The following PHYHD1 variants were observed in gnomAD, a reference collection of about 807,000 sequenced individuals.
The protein encoded by PHYHD1 is phytanoyl-CoA dioxygenase domain-containing protein 1.
In PHYHD1, 42 loss-of-function variants were observed where a neutral mutation model predicts 43.6. The observed-to-expected ratio is 0.96, with a 90% CI of 0.75 to 1.25. PHYHD1 has a LOEUF of 1.25. Ranked by LOEUF, PHYHD1 falls within the 50% of genes most tolerant of loss-of-function variation. PHYHD1 has a pLI of 0.00. For synonymous variants in PHYHD1, 139 were observed against 143.6 expected (o/e 0.97, Z 0.23); for missense variants, 342 against 370.8 (o/e 0.92, Z 0.64).
intron 9 of PHYHD1, chr9:128,938,043 A>G (rs1167594268): frequency 2.5e-6 from 3 of 1,187,392 alleles, no homozygotes; most frequent in East Asian, 3.0e-5. Context: ...GTGGTGGCTC[A>G]TGCCTGTAAT....
At position 128,940,581 on chromosome 9, in the gene PHYHD1, C is replaced by G. The variant is rs1489031106; in HGVS notation, c.587-18C>G. 1 of 1,613,966 alleles carries G rather than the reference C, an allele frequency of 6.2e-7. No homozygotes were observed. Among genetic ancestry groups the G allele is most frequent in the African/African-American group, 1.3e-5 (1 of 74,932 alleles). ...CTTGAGAAAGGAGGAGTTTAAGGCT[C>G]TCCATCTTGGCCTGCAGGTGGTGTG... On this transcript the variant is annotated intron_variant, in intron 10 of 12. Transcript: ENST00000372592.
At position 128,941,600 on chromosome 9, in the gene PHYHD1, G is replaced by A. The variant is rs201343303; in HGVS notation, c.830+29G>A. The A allele has an allele frequency of 1.5e-3, 2,380 of 1,614,130 alleles. 5 individuals carry two copies. Among genetic ancestry groups the A allele is most frequent in the Non-Finnish European group, 1.6e-3 (1,873 of 1,180,010 alleles). On this transcript the variant is annotated intron_variant, in intron 12 of 12. Coordinates refer to ENST00000372592, the MANE Select transcript of PHYHD1 (RefSeq NM_001100876.2). ...GGTGACAGGGTGGGTGTGTGTGCCC[G>A]ACAGTCCCCTGGAGGCTGGGAACAG...
intron 8 of PHYHD1, among the ~76,000 whole-genome samples, chr9:128,937,231 T>C (rs1056007979): frequency 1.3e-5 from 2 of 149,864 alleles, no homozygotes; most frequent in African/African-American, 4.9e-5. Flanking sequence ...CTGGGCAATA[T>C]AGCGAGACCC....
intron 4 of PHYHD1, among the ~76,000 whole-genome samples, chr9:128,929,789 A>G (rs1320589948): frequency 6.6e-6 from 1 of 152,240 alleles, no homozygotes; most frequent in Non-Finnish European, 1.5e-5. Context: ...GAAATAACGA[A>G]TTCAGTAAAA....
intron 11 of PHYHD1, among the ~76,000 whole-genome samples, chr9:128,941,070 G>C (rs531136471): frequency 2.6e-4 from 39 of 152,222 alleles, no homozygotes; most frequent in Non-Finnish European, 4.3e-4. Context: ...AATGTTGGCT[G>C]TTGGGCGGCC....
rs1474033963 is a variant in PHYHD1, at chr9:128,921,185, C to G, written c.-643C>G. ...TGAGTGCCGTGGCATGATCTCGGCT[C>G]ACTGCAACCTCCGCCTCCTGGGTTC... On this transcript the variant is annotated 5_prime_UTR_variant, in exon 1 of 13. Transcript: ENST00000372592. 6.6e-6 allele frequency: 1 copy of G among 152,468 alleles called. No individual in the cohort carries two copies. Among genetic ancestry groups the G allele is most frequent in the Non-Finnish European group, 1.5e-5 (1 of 68,214 alleles). The allele number at this position is 152,468 out of a possible 1,614,324, so 9.4% of individuals were successfully genotyped here.
At chr9:128,928,660 G>A (rs1256937908) in intron 4 of PHYHD1, among the ~76,000 whole-genome samples, 1 of 151,964 alleles carries the variant, frequency 6.6e-6, no homozygotes, top group African/African-American at 2.4e-5. Flanking sequence ...CCAAGATCAT[G>A]CCACTGCACT....
rs1841424487 is a variant in PHYHD1 at position 128,936,448 on chromosome 9, C to T, written c.317C>T (p.Ala106Val). 4 of 1,611,606 alleles carry T rather than the reference C, an allele frequency of 2.5e-6. No homozygotes were observed. The East Asian group carries it at 6.7e-5, about 27-fold the overall frequency. The stretch of plus-strand genomic sequence containing the variant: ...CCGACAGCTTCCTTCTGTCCCATAG[C>T]TCTGCACGCCCACGACCCCGTCTTC... Reference protein sequence around the residue: ...PEKSINKIGHALHAHDPVFKS... With the variant: ...PEKSINKIGHVLHAHDPVFKS... The change falls in exon 7 of 13, where the codon GCT (alanine) becomes GTT (valine). Residue 106 changes from alanine to valine, a missense_variant and splice_region_variant. Coordinates refer to ENST00000372592, the MANE Select transcript of PHYHD1 (RefSeq NM_001100876.2).
rs1335774794 is a variant in PHYHD1 at position 128,941,976 on chromosome 9, C to T, written c.*263C>T. On this transcript the variant is annotated 3_prime_UTR_variant, in exon 13 of 13. Transcript: ENST00000372592. Reference sequence around the variant, plus strand: ...TCTGGCCCCTTCTCACTCTCCTCTCCTCTCAGATGGAACTCTGGTTATTAT... The same window carrying T: ...TCTGGCCCCTTCTCACTCTCCTCTCTTCTCAGATGGAACTCTGGTTATTAT... The T allele has an allele frequency of 1.1e-5, 6 of 560,400 alleles. No homozygotes were observed. The highest frequency in any genetic ancestry group is 1.3e-5 in the Non-Finnish European group (4 of 314,132). 34.7% of individuals were successfully genotyped at this position (560,400 alleles called of 1,614,324 possible).
intron 2 of PHYHD1, 54 bp from the exon 3 acceptor site, chr9:128,922,229 G>T (rs1026513573): frequency 1.4e-6 from 2 of 1,481,280 alleles, no homozygotes; most frequent in Middle Eastern, 1.8e-4. Context: ...GGTTTTCTCC[G>T]GGTAGGGAAG....
chr9:128,929,399 G>T (rs545759161), intron 4 of PHYHD1, among the ~76,000 whole-genome samples: 1 of 152,204 alleles, frequency 6.6e-6, no homozygotes, highest in South Asian at 2.1e-4. Context: ...AGGGCCAGGA[G>T]TGGTGGCTTA....
intron 4 of PHYHD1, among the ~76,000 whole-genome samples, chr9:128,931,816 C>T (rs932820117): frequency 1.1e-4 from 17 of 151,352 alleles, no homozygotes; most frequent in African/African-American, 3.6e-4. Flanking sequence ...CGTGAGCCAC[C>T]TCGCCCGGCC....
intron 3 of PHYHD1, among the ~76,000 whole-genome samples, chr9:128,925,727 C>A (rs1286594987): frequency 6.6e-6 from 1 of 152,116 alleles, no homozygotes; most frequent in Non-Finnish European, 1.5e-5. Flanking sequence ...TGGCCCAGCC[C>A]CTGCCACCCT....
At chr9:128,925,233 T>C (rs993167301) in intron 3 of PHYHD1, among the ~76,000 whole-genome samples, 4 of 151,508 alleles carry the variant, frequency 2.6e-5, no homozygotes, top group Non-Finnish European at 4.4e-5. Context: ...TTCTTTCTTT[T>C]TTTTTTTTTT....
Position 128,941,676 on chromosome 9 carries a change from C to A in PHYHD1, c.839C>A (p.Pro280Gln). Residue 280 changes from proline to glutamine, a missense_variant, in exon 13 of 13, where the codon CCA becomes CAA. Coordinates refer to ENST00000372592, the MANE Select transcript of PHYHD1 (RefSeq NM_001100876.2). Reference sequence around the variant, plus strand: ...TCCTCTATCCTCTGCAGGCTCCAGCCAACAGCTGAACTGCCCTTTCCCCAA... The same window carrying A: ...TCCTCTATCCTCTGCAGGCTCCAGCAAACAGCTGAACTGCCCTTTCCCCAA... Reference protein sequence around the residue: ...TTWSPENWLQPTAELPFPQLY... With the variant: ...TTWSPENWLQQTAELPFPQLY... 6.2e-7 allele frequency: 1 copy of A among 1,614,212 alleles called. No individual in the cohort carries two copies.
intron 4 of PHYHD1, among the ~76,000 whole-genome samples, chr9:128,932,736 G>A (rs1445963223): frequency 1.4e-5 from 1 of 69,656 alleles, no homozygotes; most frequent in Non-Finnish European, 3.2e-5. Flanking sequence ...TCCTGATCTC[G>A]TGATCCGCCT....
rs1841426684 is a variant in PHYHD1 at position 128,936,520 on chromosome 9, G to T, written c.372+17G>T. 1 of 1,613,554 alleles carries T rather than the reference G, an allele frequency of 6.2e-7. No individual in the cohort carries two copies. ...AAGGTGCAGGTGAGCAGAGGTGGGG[G>T]TGAGGGCCAGGAGGGTGGGCCATGT... On this transcript the variant is annotated intron_variant, in intron 7 of 12. Transcript: ENST00000372592.
chr9:128,931,416 C>A (rs2131104475), intron 4 of PHYHD1, among the ~76,000 whole-genome samples: 1 of 152,110 alleles, frequency 6.6e-6, no homozygotes, highest in Non-Finnish European at 1.5e-5. Flanking sequence ...CATCCTAGAG[C>A]CAGGATTTAA....
chr9:128,931,834 CT>C (rs1841286052), intron 4 of PHYHD1, among the ~76,000 whole-genome samples: 2 of 123,214 alleles, frequency 1.6e-5, no homozygotes, highest in Non-Finnish European at 1.8e-5. Flanking sequence ...GCCTTTCTTT[CT>C]TTCTTTCTTT....
Sources: gnomAD v4.1 joint callset for allele counts (sites outside exome capture counted in the v4.1 genomes callset) on GRCh38, gnomAD v4.1.1 for gene constraint, MANE v1.5 for transcripts, NCBI Gene and HGNC (gene_info 2026-07-23, HGNC 2026-07-21) for gene names.